The following ITSN2 variants were observed in gnomAD, a reference collection of about 807,000 sequenced individuals.
The protein encoded by ITSN2 is intersectin 2.
ITSN2 carries 156 observed loss-of-function variants against 243.7 expected under a neutral mutation model. That is an observed-to-expected ratio of 0.64 (90% CI 0.56 to 0.73). The LOEUF is 0.73. Ranked by LOEUF, ITSN2 falls within the 30% of genes least tolerant of loss-of-function variation. The probability of loss-of-function intolerance (pLI) is 0.00; values close to 1 mark genes in which losing one functional copy is unlikely to be tolerated. For missense variants in ITSN2, 1,801 were observed against 1,996.1 expected, an observed-to-expected ratio of 0.90 and a Z score of 1.86; for synonymous variants, 703 against 699.9, an observed-to-expected ratio of 1.00 and a Z score of -0.07.
chr2:24,209,741 G>A (rs184271640), intron 35 of ITSN2, 77 bp downstream of exon 35: 26 of 1,160,590 alleles, frequency 2.2e-5, no homozygotes, highest in Admixed American at 1.9e-4. Flanking sequence ...CCAGCTCAGG[G>A]TCTGCCAGGA....
At chr2:24,212,804 C>T in intron 32 of ITSN2, 56 bp from the exon 33 acceptor site, 1 of 1,321,722 alleles carries the variant, frequency 7.6e-7, no homozygotes, top group Admixed American at 1.7e-5. Context: ...ACAGGAAGCA[C>T]TGGTCTTTGA....
rs1558416653 is a variant in ITSN2 at position 24,204,323 on chromosome 2, A to G, written c.4858T>C (p.Cys1620Arg). ...TAGAGATCCTTAATAAAGAACTGGC[A>G]GTTAAAATTCCACTTGGGATTGAGT... ...DTLNPKWNFN[C>R]QFFIKDLYQD... The change falls in exon 39 of 40, where the codon TGC becomes CGC. Residue 1620 changes from cysteine to arginine, a missense_variant. Cys to Arg is a radical substitution (Grantham distance 180). Transcript: ENST00000355123. This position sits in a 1 kb window ranked among gnomAD's most constrained non-coding sequence, Gnocchi z 5.1. 2 of 1,614,196 alleles carry G rather than the reference A, an allele frequency of 1.2e-6. No individual in the cohort carries two copies. Among genetic ancestry groups the G allele is most frequent in the Non-Finnish European group, 8.5e-7 (1 of 1,180,002 alleles).
chr2:24,272,027 AG>A (rs775099210), intron 18 of ITSN2, 86 bp from the exon 19 acceptor site: 2 of 1,153,240 alleles, frequency 1.7e-6, no homozygotes, highest in Non-Finnish European at 2.4e-6. Flanking sequence ...GTTCCTGTCA[AG>A]GTGAAGAACT....
chr2:24,258,425 C>A (rs186716270), intron 22 of ITSN2, among the ~76,000 whole-genome samples: 11 of 152,262 alleles, frequency 7.2e-5, no homozygotes, highest in Non-Finnish European at 1.3e-4. Flanking sequence ...TACTGTAAAT[C>A]TTTTTTCTCT....
At chr2:24,213,293 G>A (rs753396652) in intron 32 of ITSN2, among the ~76,000 whole-genome samples, 4 of 152,170 alleles carry the variant, frequency 2.6e-5, no homozygotes, top group Non-Finnish European at 5.9e-5. Flanking sequence ...GAGAGGCATC[G>A]TGTTGCAGTG....
intron 29 of ITSN2, among the ~76,000 whole-genome samples, chr2:24,245,451 T>G (rs1673236412): frequency 6.6e-6 from 1 of 151,988 alleles, no homozygotes; most frequent in Non-Finnish European, 1.5e-5. Context: ...TAATTTTGAA[T>G]AGGTGAATAG....
chr2:24,210,449 TA>T, intron 34 of ITSN2: 1 of 284,850 alleles, frequency 3.5e-6, no homozygotes. Context: ...CCAGCTCTAC[TA>T]AAAATACGAA....
At chr2:24,228,375 G>T (rs1310704762) in intron 29 of ITSN2, among the ~76,000 whole-genome samples, 4 of 152,096 alleles carry the variant, frequency 2.6e-5, no homozygotes, top group Admixed American at 6.5e-5. Flanking sequence ...AATTACATAA[G>T]AAGGAAAAAG....
rs764712925 is a variant in ITSN2, at chr2:24,286,225, T to A, written c.1850A>T (p.Asn617Ile). The change falls in exon 16 of 40, where the codon AAC becomes ATC. Residue 617 changes from asparagine (N) to isoleucine (I), a missense_variant. Transcript: ENST00000355123. Reference sequence around the variant, plus strand: ...AAAAATAAATACCTTTAGTTGATTGTTAAAAGAATCCATTTCTGACAGCTT... The same window carrying A: ...AAAAATAAATACCTTTAGTTGATTGATAAAAGAATCCATTTCTGACAGCTT... ...ASKLSEMDSF[N>I]NQLKCGNMDD... 5.7e-6 allele frequency: 9 copies of A among 1,587,482 alleles called. No homozygotes were observed. Among genetic ancestry groups the A allele is most frequent in the African/African-American group, 1.4e-5 (1 of 73,988 alleles).
intron 4 of ITSN2, 118 bp downstream of exon 4, chr2:24,313,342 T>C: frequency 1.3e-6 from 1 of 751,640 alleles, no homozygotes; most frequent in Non-Finnish European, 2.1e-6. Context: ...CCCAAAGTGC[T>C]GGCAGAAATA....
rs542878585 is a variant in ITSN2 at position 24,301,151 on chromosome 2, T to C, written c.1081+3A>G. On this transcript the variant is annotated splice_donor_region_variant and intron_variant, in intron 11 of 39. Coordinates refer to ENST00000355123, the MANE Select transcript of ITSN2 (RefSeq NM_006277.3). ...AATATACAACTTTGACACTCAGTGA[T>C]ACCTGGTAATTTCTTCTGAGGCTCC... 1 of 1,551,402 alleles carries C rather than the reference T, an allele frequency of 6.4e-7. No individual in the cohort carries two copies. Among genetic ancestry groups the C allele is most frequent in the Non-Finnish European group, 8.9e-7 (1 of 1,126,798 alleles).
chr2:24,238,706 T>C (rs1459074699), intron 29 of ITSN2, among the ~76,000 whole-genome samples: 5 of 152,210 alleles, frequency 3.3e-5, no homozygotes, highest in Non-Finnish European at 7.4e-5. Flanking sequence ...AATCAAACTT[T>C]ATTTCACTTT....
chr2:24,297,669 G>A (rs549267328), intron 13 of ITSN2, among the ~76,000 whole-genome samples: 6 of 152,130 alleles, frequency 3.9e-5, no homozygotes, highest in Non-Finnish European at 5.9e-5. Context: ...TCTGCTGCCC[G>A]AGCTTCCCCT....
At chr2:24,290,961 T>C (rs1009726517) in intron 15 of ITSN2, among the ~76,000 whole-genome samples, 5 of 152,224 alleles carry the variant, frequency 3.3e-5, no homozygotes, top group African/African-American at 1.2e-4. Flanking sequence ...TACAATTTAT[T>C]TTCTAGATGA....
At chr2:24,255,405 G>C (rs1193203942) in intron 23 of ITSN2, among the ~76,000 whole-genome samples, 1 of 152,168 alleles carries the variant, frequency 6.6e-6, no homozygotes, top group African/African-American at 2.4e-5. Context: ...GAGGCGGGCA[G>C]ATCAACTGAG....
At chr2:24,343,359 A>T (rs1277194132) in intron 1 of ITSN2, among the ~76,000 whole-genome samples, 1 of 152,160 alleles carries the variant, frequency 6.6e-6, no homozygotes. Flanking sequence ...ACACAAATGA[A>T]GTCATACTTC....
chr2:24,312,593 C>T (rs1317708697), intron 4 of ITSN2, among the ~76,000 whole-genome samples: 4 of 152,040 alleles, frequency 2.6e-5, no homozygotes, highest in African/African-American at 4.8e-5. Context: ...AAAACACTGC[C>T]TGTCAAAACA....
intron 5 of ITSN2, among the ~76,000 whole-genome samples, chr2:24,311,116 C>A (rs955097627): frequency 5.9e-5 from 9 of 151,942 alleles, no homozygotes; most frequent in Admixed American, 2.0e-4. Context: ...CTCACATACT[C>A]CCCCCAAACA....
At chr2:24,253,652 T>C (rs1674644157) in intron 24 of ITSN2, among the ~76,000 whole-genome samples, 1 of 152,266 alleles carries the variant, frequency 6.6e-6, no homozygotes, top group African/African-American at 2.4e-5. Flanking sequence ...CTCCATTCTA[T>C]TGTGAGCACT....
Sources: allele counts gnomAD v4.1 joint callset (sites outside exome capture counted in the v4.1 genomes callset), GRCh38; gene constraint gnomAD v4.1.1; non-coding constraint Gnocchi (gnomAD v3.1); transcripts MANE v1.5; gene names NCBI Gene and HGNC (gene_info 2026-07-23, HGNC 2026-07-21).